The following CORO1C variants were observed in gnomAD, a reference collection of about 807,000 sequenced individuals.
CORO1C encodes the protein coronin 1C, also known as coronin-1C.
CORO1C carries 14 observed loss-of-function variants against 51.2 expected under a neutral mutation model. That is an observed-to-expected ratio of 0.27 (90% CI 0.18 to 0.43). The LOEUF is 0.43. Ranked by LOEUF, CORO1C falls within the 20% of genes least tolerant of loss-of-function variation. CORO1C has a pLI of 1.00. For synonymous variants in CORO1C, 181 were observed against 210.5 expected, an observed-to-expected ratio of 0.86 and a Z score of 1.21; for missense variants, 417 against 607.8, an observed-to-expected ratio of 0.69 and a Z score of 3.30.
At chr12:108,707,594 G>A (rs898458738) in intron 1 of CORO1C, among the ~76,000 whole-genome samples, 5 of 152,154 alleles carry the variant, frequency 3.3e-5, no homozygotes, top group African/African-American at 9.7e-5. Context: ...TCTAAGATAT[G>A]ACACCAAAAG....
At chr12:108,728,237 A>G (rs929773115) in intron 1 of CORO1C, among the ~76,000 whole-genome samples, 2 of 152,198 alleles carry the variant, frequency 1.3e-5, no homozygotes, top group Non-Finnish European at 2.9e-5. Context: ...TGTTCACAGC[A>G]TTATTCATAA....
intron 4 of CORO1C, among the ~76,000 whole-genome samples, chr12:108,661,388 A>C (rs1348842431): frequency 1.3e-5 from 2 of 152,244 alleles, no homozygotes; most frequent in Admixed American, 6.5e-5. Flanking sequence ...CCTACCACCA[A>C]GTGCAGAAAG....
At chr12:108,723,725 T>C (rs1357371166) in intron 1 of CORO1C, among the ~76,000 whole-genome samples, 2 of 152,230 alleles carry the variant, frequency 1.3e-5, no homozygotes, top group African/African-American at 4.8e-5. Context: ...TAATCAACCT[T>C]TGCTAATCCT....
intron 1 of CORO1C, among the ~76,000 whole-genome samples, chr12:108,702,368 G>A (rs975702763): frequency 2.6e-5 from 4 of 152,142 alleles, no homozygotes; most frequent in Admixed American, 6.5e-5. Flanking sequence ...TGAAGGGGAG[G>A]GGAGGTGACA....
At chr12:108,657,664 C>T (rs1365420045) in intron 5 of CORO1C, among the ~76,000 whole-genome samples, 1 of 152,232 alleles carries the variant, frequency 6.6e-6, no homozygotes, top group Non-Finnish European at 1.5e-5. Context: ...GACTCGCTCT[C>T]TCCACCATAT....
At chr12:108,693,031 C>T (rs1565924769) in intron 2 of CORO1C, among the ~76,000 whole-genome samples, 1 of 151,912 alleles carries the variant, frequency 6.6e-6, no homozygotes, top group Non-Finnish European at 1.5e-5. Context: ...CTGCTGACCT[C>T]AGGTGATCCA....
chr12:108,687,096 G>T (rs548553374), intron 2 of CORO1C, among the ~76,000 whole-genome samples: 2 of 152,266 alleles, frequency 1.3e-5, no homozygotes, highest in African/African-American at 4.8e-5. Context: ...AGTTCCTGGA[G>T]ACTGATACTT....
chr12:108,677,791 G>A (rs1332758653), intron 3 of CORO1C, among the ~76,000 whole-genome samples: 1 of 152,182 alleles, frequency 6.6e-6, no homozygotes, highest in Non-Finnish European at 1.5e-5. Flanking sequence ...GGCCGAGGCA[G>A]GCGGATCACT....
In CORO1C at chr12:108,694,033, G is replaced by A. The variant is rs138669139; in HGVS notation, c.195+7091C>T. Among the ~76,000 whole-genome samples the A allele has an allele frequency of 3.7e-3, 568 of 152,250 alleles. 5 individuals carry two copies. The highest frequency in any genetic ancestry group is 0.013 in the African/African-American group (536 of 41,532). ...AACCTAGCCGGGTGTGGTGGCTCAC[G>A]CCTGTAATCCCACTTTGGGAGGGCA... On this transcript the variant is annotated intron_variant, in intron 2 of 10. Transcript: ENST00000261401.
chr12:108,700,137 AG>A (rs2034820014), intron 2 of CORO1C, among the ~76,000 whole-genome samples: 1 of 152,130 alleles, frequency 6.6e-6, no homozygotes, highest in South Asian at 2.1e-4. Context: ...CCTGAATATA[AG>A]GGGCTCAGAA....
intron 2 of CORO1C, among the ~76,000 whole-genome samples, chr12:108,693,273 C>G (rs1007237021): frequency 2.6e-5 from 4 of 152,212 alleles, no homozygotes; most frequent in African/African-American, 9.7e-5. Flanking sequence ...ATTTCTACAA[C>G]TGTAGAACAG....
At chr12:108,655,478 T>C (rs1242966040) in intron 6 of CORO1C, among the ~76,000 whole-genome samples, 1 of 150,228 alleles carries the variant, frequency 6.7e-6, no homozygotes, top group Non-Finnish European at 1.5e-5. Context: ...GCAACCTCCC[T>C]GCCTGATTCT....
chr12:108,728,484 T>C (rs1458432280), intron 1 of CORO1C, among the ~76,000 whole-genome samples: 1 of 152,152 alleles, frequency 6.6e-6, no homozygotes, highest in East Asian at 1.9e-4. Flanking sequence ...GTATGGGGTT[T>C]CTTTTTGGGG....
At chr12:108,711,968 G>A (rs989192991) in intron 1 of CORO1C, among the ~76,000 whole-genome samples, 33 of 152,056 alleles carry the variant, frequency 2.2e-4, no homozygotes, top group Admixed American at 8.5e-4. Context: ...ACACATACAG[G>A]AAAACCCCTA....
At chr12:108,662,478 G>A (rs969542371) in intron 3 of CORO1C, among the ~76,000 whole-genome samples, 2 of 152,060 alleles carry the variant, frequency 1.3e-5, no homozygotes, top group Non-Finnish European at 1.5e-5. Flanking sequence ...AGTATCGGCT[G>A]TTTTTAAAAT....
chr12:108,696,493 G>A (rs1420644527), intron 2 of CORO1C: 1 of 152,076 alleles, frequency 6.6e-6, no homozygotes, highest in African/African-American at 2.4e-5. Flanking sequence ...CAATAGGGAG[G>A]GAATGTCTCA....
intron 1 of CORO1C, 83 bp from the exon 2 acceptor site, chr12:108,701,406 G>GA: frequency 1.3e-6 from 2 of 1,589,324 alleles, no homozygotes; most frequent in Non-Finnish European, 1.7e-6. Context: ...CTCCAAGTAG[G>GA]AAAAACAGAA....
chr12:108,703,875 G>A (rs139517774), intron 1 of CORO1C, among the ~76,000 whole-genome samples: 34 of 152,104 alleles, frequency 2.2e-4, no homozygotes, highest in Admixed American at 5.2e-4. Context: ...TGGCTCCCAA[G>A]ATACCACCTG....
In CORO1C at chr12:108,658,903, A is replaced by G. The variant is rs1245098524; in HGVS notation, c.465T>C (p.Ile155=). Residue 155 remains isoleucine (I), a synonymous_variant, in exon 5 of 11, where the codon ATT becomes ATC. Transcript: ENST00000261401. The surrounding 1 kb of genome is among the most constrained non-coding windows in gnomAD (Gnocchi z 4.9). ...CCCCTGTTCCCACATTCCAGATGATAATGGCATTATCACAGCCTAAAACAG... is the reference window on the plus strand; with the variant it reads ...CCCCTGTTCCCACATTCCAGATGATGATGGCATTATCACAGCCTAAAACAG... ...VLLSAGCDNA[I]IIWNVGTGEA... 1 of 1,608,668 alleles carries G rather than the reference A, an allele frequency of 6.2e-7. No individual in the cohort carries two copies. Among genetic ancestry groups the G allele is most frequent in the Non-Finnish European group, 8.5e-7 (1 of 1,175,228 alleles).
Sources: gnomAD v4.1 joint callset for allele counts (sites outside exome capture counted in the v4.1 genomes callset) on GRCh38, gnomAD v4.1.1 for gene constraint, Gnocchi (gnomAD v3.1) non-coding constraint, MANE v1.5 for transcripts, NCBI Gene and HGNC (gene_info 2026-07-23, HGNC 2026-07-21) for gene names.